The following KDM6A variants were observed in gnomAD, a reference collection of about 807,000 sequenced individuals.
The protein encoded by KDM6A is lysine-specific demethylase 6A.
In KDM6A, 11 loss-of-function variants were observed where a neutral mutation model predicts 117.6. The observed-to-expected ratio is 0.09, with a 90% CI of 0.06 to 0.15. KDM6A has a LOEUF of 0.15. Among genes scored for constraint, KDM6A ranks in the 10% least tolerant of loss-of-function variants. The pLI, the probability that KDM6A is intolerant of heterozygous loss-of-function variation, is 1.00. For missense variants in KDM6A, 799 were observed against 1,077.3 expected (o/e 0.74, Z 3.62); for synonymous variants, 384 against 396.1 (o/e 0.97, Z 0.36).
chrX:45,091,639 G>A (rs1188358524), intron 27 of KDM6A, among the ~76,000 whole-genome samples: 1 of 111,661 alleles, frequency 9.0e-6, no homozygotes, highest in Non-Finnish European at 1.9e-5. Context: ...TGTGAATGAG[G>A]GAGAAGAGTT....
In KDM6A at chrX:44,961,335, T is replaced by C; in HGVS notation, c.277T>C (p.Ser93Pro). The stretch of plus-strand genomic sequence containing the variant: ...CTTAAAAGCTGAAGGAAAAGTGGAG[T>C]CTGATTTCTTTTGTCAATTAGGTCA... ...LILKAEGKVE[S>P]DFFCQLGHFN... is the part of the protein sequence containing the mutation. The change falls in exon 3 of 30, where the codon TCT becomes CCT. Residue 93 changes from serine to proline, a missense_variant. Transcript: ENST00000611820. 8.3e-7 allele frequency: 1 copy of C among 1,204,825 alleles called. No homozygotes were observed. The highest frequency in any genetic ancestry group is 1.8e-5 in the South Asian group (1 of 56,738).
At chrX:45,026,831 CAAA>C (rs779434779) in intron 6 of KDM6A, among the ~76,000 whole-genome samples, 5 of 42,690 alleles carry the variant, frequency 1.2e-4, no homozygotes, top group Admixed American at 3.0e-4. Context: ...AACTCCATCT[CAAA>C]AAAAAAAAAA....
At chrX:44,932,197 C>G (rs1158602885) in intron 2 of KDM6A, among the ~76,000 whole-genome samples, 1 of 96,033 alleles carries the variant, frequency 1.0e-5, no homozygotes, top group African/African-American at 4.0e-5. Context: ...CAGGTTTAAG[C>G]AATCCTCCTG....
At chrX:44,890,190 A>G (rs1383021072) in intron 2 of KDM6A, among the ~76,000 whole-genome samples, 1 of 112,399 alleles carries the variant, frequency 8.9e-6, no homozygotes, top group Admixed American at 9.5e-5. Context: ...ATCCTTTTGG[A>G]ATTCCCTTTG....
At chrX:44,961,491 C>T in intron 3 of KDM6A, 99 bp downstream of exon 3, 1 of 531,295 alleles carries the variant, frequency 1.9e-6, no homozygotes, top group Middle Eastern at 3.8e-4. Flanking sequence ...ATTGTAAGTG[C>T]ATGAGCAAAC....
intron 2 of KDM6A, among the ~76,000 whole-genome samples, chrX:44,906,773 G>A (rs1042947390): frequency 1.8e-5 from 2 of 111,273 alleles, no homozygotes; most frequent in Non-Finnish European, 1.9e-5. Context: ...AGCCCACCTC[G>A]GCCTCCCAGT....
chrX:45,042,317 T>G, intron 8 of KDM6A, among the ~76,000 whole-genome samples: 1 of 93,789 alleles, frequency 1.1e-5, no homozygotes, highest in Admixed American at 1.1e-4. Flanking sequence ...GAGAGTCATT[T>G]GATAAATTTT....
At chrX:44,962,579 T>G (rs767632127) in intron 3 of KDM6A, among the ~76,000 whole-genome samples, 1 of 112,209 alleles carries the variant, frequency 8.9e-6, no homozygotes, top group East Asian at 2.8e-4. Context: ...AAGGAAACTA[T>G]TGTACCAAAA....
intron 2 of KDM6A, among the ~76,000 whole-genome samples, chrX:44,897,338 GTTTA>G (rs1002011871): frequency 2.1e-5 from 2 of 97,451 alleles, no homozygotes; most frequent in Non-Finnish European, 4.1e-5. Flanking sequence ...TGAGATTTCT[GTTTA>G]TTTGTTTTAA....
chrX:44,889,832 A>G (rs961365931), intron 2 of KDM6A, among the ~76,000 whole-genome samples: 9 of 112,257 alleles, frequency 8.0e-5, no homozygotes, highest in Non-Finnish European at 1.5e-4. Context: ...ACACTTATGT[A>G]TTGACTTACT....
chrX:44,917,867 T>C (rs1347576564), intron 2 of KDM6A, among the ~76,000 whole-genome samples: 1 of 112,363 alleles, frequency 8.9e-6, no homozygotes, highest in Non-Finnish European at 1.9e-5. Context: ...TTTAGTTTAG[T>C]TAATAATGTC....
At chrX:45,024,846 T>C (rs775043196) in intron 6 of KDM6A, among the ~76,000 whole-genome samples, 1 of 112,022 alleles carries the variant, frequency 8.9e-6, no homozygotes, top group South Asian at 3.7e-4. Flanking sequence ...GCATAGATAC[T>C]GTTGGAGAAA....
chrX:44,883,338 TG>T (rs1160180602), intron 2 of KDM6A, among the ~76,000 whole-genome samples: 1 of 110,604 alleles, frequency 9.0e-6, no homozygotes, highest in Non-Finnish European at 1.9e-5. Context: ...CCATAGGTCC[TG>T]GGATTACAGG....
At chrX:44,967,185 A>G (rs2039074950) in intron 3 of KDM6A, among the ~76,000 whole-genome samples, 1 of 111,220 alleles carries the variant, frequency 9.0e-6, no homozygotes, top group Non-Finnish European at 1.9e-5. Flanking sequence ...AAAATTCTCT[A>G]TCTGTTCTCT....
At chrX:45,043,710 G>A (rs920316630) in intron 8 of KDM6A, among the ~76,000 whole-genome samples, 2 of 111,014 alleles carry the variant, frequency 1.8e-5, no homozygotes, top group African/African-American at 3.3e-5. Flanking sequence ...CCGGGGAGGC[G>A]GAGGTTGCAG....
rs1481674478 is a variant in KDM6A at position 44,967,541 on chromosome X, T to G, written c.334+6149T>G. 3.6e-5 allele frequency among the ~76,000 whole-genome samples: 4 copies of G among 111,918 alleles called. No individual in the cohort carries two copies. In the East Asian group the frequency reaches 1.1e-3, roughly 31 times the overall value. On this transcript the variant is annotated intron_variant, in intron 3 of 29. Transcript: ENST00000611820. The stretch of plus-strand genomic sequence containing the variant: ...CCCTGTAATTATTTGCCCTGATTCA[T>G]AGTCATCTTTTCTGTGTAAAGTTTT...
intron 4 of KDM6A, among the ~76,000 whole-genome samples, chrX:44,983,353 T>C (rs923550253): frequency 4.5e-5 from 5 of 111,896 alleles, no homozygotes; most frequent in African/African-American, 1.6e-4. Context: ...TTCACATTTG[T>C]TGACAGGGTC....
At chrX:45,111,061 GTTAAA>G (rs2046748677) in intron 29 of KDM6A, among the ~76,000 whole-genome samples, 2 of 111,891 alleles carry the variant, frequency 1.8e-5, no homozygotes, top group Non-Finnish European at 3.8e-5. Context: ...ATTGTAATTT[GTTAAA>G]TTATTTTGCA....
intron 8 of KDM6A, 50 bp from the exon 9 acceptor site, chrX:45,051,659 C>G (rs1028172005): frequency 1.4e-6 from 1 of 700,961 alleles, no homozygotes; most frequent in Non-Finnish European, 2.2e-6. Context: ...TGAAGTAGTT[C>G]CTTAAAGATT....
Sources: gnomAD v4.1 joint callset for allele counts (sites outside exome capture counted in the v4.1 genomes callset) on GRCh38, gnomAD v4.1.1 for gene constraint, MANE v1.5 for transcripts, NCBI Gene and HGNC (gene_info 2026-07-23, HGNC 2026-07-21) for gene names.